Variants in REDIC1 observed in about 807,000 individuals in gnomAD.
REDIC1 encodes the protein HEI10 Interacting Protein 1.
At chr12:39,871,740 A>G in the REDIC1 span, 2 of 1,490,338 alleles carry the variant, frequency 1.3e-6, no homozygotes, top group Non-Finnish European at 1.8e-6. Context: ...TTTGAAGGTT[A>G]AACTTGAAGT....
At chr12:39,776,690 T>G in the REDIC1 span, among the ~76,000 whole-genome samples, 2 of 151,992 alleles carry the variant, frequency 1.3e-5, no homozygotes, top group African/African-American at 4.8e-5. Flanking sequence ...CTGAGCAGTA[T>G]TCTAGATTTC....
chr12:39,694,703 T>G, the REDIC1 span, among the ~76,000 whole-genome samples: 1 of 152,038 alleles, frequency 6.6e-6, no homozygotes, highest in Non-Finnish European at 1.5e-5. Context: ...TGAGTCCTAG[T>G]GCTGAACTAG....
the REDIC1 span, among the ~76,000 whole-genome samples, chr12:39,666,902 T>C: frequency 3.3e-5 from 5 of 152,170 alleles, no homozygotes; most frequent in Admixed American, 1.3e-4. Flanking sequence ...TCTGTGGGAT[T>C]GGTAGTGATA....
chr12:39,760,400 T>G, the REDIC1 span: 1 of 640,038 alleles, frequency 1.6e-6, no homozygotes, highest in South Asian at 2.0e-5. Context: ...GAACCTGGTT[T>G]ACTCCAATTG....
chr12:39,635,199 T>A, the REDIC1 span, among the ~76,000 whole-genome samples: 1 of 151,998 alleles, frequency 6.6e-6, no homozygotes, highest in Admixed American at 6.6e-5. Flanking sequence ...TTGGTGGGAG[T>A]GTAAATTAGT....
the REDIC1 span, among the ~76,000 whole-genome samples, chr12:39,709,678 T>C: frequency 6.6e-6 from 1 of 151,846 alleles, no homozygotes; most frequent in South Asian, 2.1e-4. Flanking sequence ...GATTTCCTTC[T>C]TTTTCGTTGC....
At chr12:39,714,208 T>G in the REDIC1 span, among the ~76,000 whole-genome samples, 1 of 74,304 alleles carries the variant, frequency 1.3e-5, no homozygotes. Flanking sequence ...TGTATATACA[T>G]GCATATACGT....
the REDIC1 span, among the ~76,000 whole-genome samples, chr12:39,794,123 C>CAAAAAAAAA: frequency 2.6e-5 from 2 of 78,372 alleles, no homozygotes; most frequent in African/African-American, 5.1e-5. Flanking sequence ...GGCCAAATTG[C>CAAAAAAAAA]AAAAAAAAAA....
chr12:39,674,724 G>A, the REDIC1 span, among the ~76,000 whole-genome samples: 1 of 152,166 alleles, frequency 6.6e-6, no homozygotes, highest in Non-Finnish European at 1.5e-5. Flanking sequence ...AGCTGGAAGA[G>A]CCCTGTAGAC....
the REDIC1 span, chr12:39,716,847 T>C: frequency 6.4e-7 from 1 of 1,559,700 alleles, no homozygotes; most frequent in Non-Finnish European, 8.7e-7. Context: ...TGGTAAGTGA[T>C]GCTTGTTTCA....
At chr12:39,715,280 G>A in the REDIC1 span, among the ~76,000 whole-genome samples, 2 of 151,792 alleles carry the variant, frequency 1.3e-5, no homozygotes, top group East Asian at 1.9e-4. Flanking sequence ...TCCTGTATGT[G>A]GCTAGCTAAT....
chr12:39,649,536 A>G, the REDIC1 span, among the ~76,000 whole-genome samples: 1 of 138,780 alleles, frequency 7.2e-6, no homozygotes, highest in Non-Finnish European at 1.6e-5. Context: ...ACTTTAGTCT[A>G]TTTTTTTTCC....
At chr12:39,867,129 C>A in the REDIC1 span, among the ~76,000 whole-genome samples, 1 of 152,136 alleles carries the variant, frequency 6.6e-6, no homozygotes, top group Non-Finnish European at 1.5e-5. Context: ...ACAAAACGAA[C>A]CATGAGATTT....
chr12:39,709,238 T>G, the REDIC1 span, among the ~76,000 whole-genome samples: 17 of 151,612 alleles, frequency 1.1e-4, no homozygotes, highest in Admixed American at 1.1e-3. Flanking sequence ...TTTTTTTTTT[T>G]TTATTTTGCC....
At chr12:39,671,493 C>A in the REDIC1 span, among the ~76,000 whole-genome samples, 1 of 152,050 alleles carries the variant, frequency 6.6e-6, no homozygotes, top group Non-Finnish European at 1.5e-5. Context: ...TCCAGGTGGG[C>A]CAATTCTTGA....
At chr12:39,732,575 C>A in the REDIC1 span, among the ~76,000 whole-genome samples, 1 of 152,148 alleles carries the variant, frequency 6.6e-6, no homozygotes, top group Non-Finnish European at 1.5e-5. Flanking sequence ...AAAATACCCC[C>A]TCCTCCATCT....
the REDIC1 span, chr12:39,756,263 A>G: frequency 6.6e-6 from 1 of 151,952 alleles, no homozygotes; most frequent in Non-Finnish European, 1.5e-5. Flanking sequence ...TATAAAGCAC[A>G]TATTATAAAT....
the REDIC1 span, among the ~76,000 whole-genome samples, chr12:39,657,829 C>G: frequency 5.9e-5 from 9 of 152,090 alleles, no homozygotes; most frequent in South Asian, 1.9e-3. Flanking sequence ...TTTAGTTTCA[C>G]AAGTCTTTTA....
chr12:39,711,700 T>TGA, the REDIC1 span, among the ~76,000 whole-genome samples: 1 of 14,114 alleles, frequency 7.1e-5, no homozygotes. Flanking sequence ...TATGTGTATG[T>TGA]GTATACACAT....
Sources: gnomAD v4.1 joint callset for allele counts (sites outside exome capture counted in the v4.1 genomes callset) on GRCh38, gnomAD v4.1.1 for gene constraint, MANE v1.5 for transcripts, NCBI Gene and HGNC (gene_info 2026-07-23, HGNC 2026-07-21) for gene names.